The following REDIC1 variants were observed in gnomAD, a reference collection of about 807,000 sequenced individuals.
REDIC1 encodes the protein regulator of DNA class I crossover intermediates 1.
the REDIC1 span, among the ~76,000 whole-genome samples, chr12:39,708,949 G>A: frequency 6.6e-6 from 1 of 151,952 alleles, no homozygotes; most frequent in South Asian, 2.1e-4. Context: ...TGTTAGTTTA[G>A]TATGAAGTAT....
At chr12:39,641,815 G>A in the REDIC1 span, among the ~76,000 whole-genome samples, 1 of 151,614 alleles carries the variant, frequency 6.6e-6, no homozygotes, top group Admixed American at 6.6e-5. Context: ...TATAAAAGCA[G>A]GATAGTGGCA....
the REDIC1 span, among the ~76,000 whole-genome samples, chr12:39,903,454 T>G: frequency 6.6e-6 from 1 of 152,104 alleles, no homozygotes; most frequent in Non-Finnish European, 1.5e-5. Flanking sequence ...GGCCCCCCAG[T>G]ATCTCTTTAC....
the REDIC1 span, chr12:39,872,066 C>T: frequency 1.1e-6 from 1 of 914,040 alleles, no homozygotes; most frequent in Non-Finnish European, 1.5e-6. Flanking sequence ...ATAAGGAGAA[C>T]TACAGTAATA....
chr12:39,638,199 C>T, the REDIC1 span, among the ~76,000 whole-genome samples: 2 of 152,012 alleles, frequency 1.3e-5, no homozygotes, highest in African/African-American at 2.4e-5. Flanking sequence ...TTTTGGTGTT[C>T]TTGCCTTGTA....
chr12:39,895,487 CTCAA>C, the REDIC1 span, among the ~76,000 whole-genome samples: 1 of 25,326 alleles, frequency 3.9e-5, no homozygotes. Flanking sequence ...GAGACTCTGT[CTCAA>C]AAAAAAAAAA....
chr12:39,854,340 C>T, the REDIC1 span, among the ~76,000 whole-genome samples: 2 of 152,002 alleles, frequency 1.3e-5, no homozygotes, highest in African/African-American at 4.8e-5. Flanking sequence ...ATTGTAAGAG[C>T]TTAGTTAACA....
chr12:39,747,746 A>G, the REDIC1 span, among the ~76,000 whole-genome samples: 2 of 152,256 alleles, frequency 1.3e-5, no homozygotes, highest in South Asian at 2.1e-4. Context: ...AAACTCTACA[A>G]GCCAGAAGAG....
the REDIC1 span, among the ~76,000 whole-genome samples, chr12:39,888,992 G>A: frequency 4.6e-5 from 7 of 151,664 alleles, no homozygotes; most frequent in Admixed American, 4.6e-4. Flanking sequence ...ATACAAGTCG[G>A]GATTCAATAA....
At chr12:39,660,703 A>C in the REDIC1 span, among the ~76,000 whole-genome samples, 2 of 152,084 alleles carry the variant, frequency 1.3e-5, no homozygotes, top group Non-Finnish European at 2.9e-5. Flanking sequence ...TGTACAACAC[A>C]TTTTTGTTAA....
the REDIC1 span, among the ~76,000 whole-genome samples, chr12:39,717,079 T>A: frequency 1.3e-5 from 2 of 151,312 alleles, no homozygotes; most frequent in Non-Finnish European, 2.9e-5. Context: ...TATTGCCATT[T>A]ACAAAACACC....
the REDIC1 span, among the ~76,000 whole-genome samples, chr12:39,797,730 A>G: frequency 1.6e-4 from 2 of 12,466 alleles, no homozygotes; most frequent in Non-Finnish European, 5.0e-4. Context: ...TATGGTAAAC[A>G]CACACACACA....
the REDIC1 span, among the ~76,000 whole-genome samples, chr12:39,638,958 T>C: frequency 6.6e-6 from 1 of 152,048 alleles, no homozygotes; most frequent in East Asian, 1.9e-4. Flanking sequence ...TTTGATTTCT[T>C]AATTTTACTG....
At chr12:39,642,487 A>T in the REDIC1 span, among the ~76,000 whole-genome samples, 1 of 151,542 alleles carries the variant, frequency 6.6e-6, no homozygotes, top group Non-Finnish European at 1.5e-5. Flanking sequence ...AGGATTTGAT[A>T]CCATCCCCAA....
At chr12:39,858,763 C>T in the REDIC1 span, among the ~76,000 whole-genome samples, 1 of 152,066 alleles carries the variant, frequency 6.6e-6, no homozygotes, top group African/African-American at 2.4e-5. Context: ...CCTGCCACCA[C>T]ACTTGGCTAA....
the REDIC1 span, among the ~76,000 whole-genome samples, chr12:39,775,593 A>C: frequency 6.6e-6 from 1 of 152,212 alleles, no homozygotes; most frequent in African/African-American, 2.4e-5. Context: ...TTCCATTATC[A>C]CATCCAAAGC....
the REDIC1 span, among the ~76,000 whole-genome samples, chr12:39,710,875 G>GT: frequency 1.2e-3 from 185 of 148,236 alleles, no homozygotes; most frequent in South Asian, 4.3e-3. Flanking sequence ...CTCAATAAGT[G>GT]TTTTTTTTTC....
chr12:39,749,067 A>T, the REDIC1 span, among the ~76,000 whole-genome samples: 2 of 152,186 alleles, frequency 1.3e-5, no homozygotes, highest in African/African-American at 2.4e-5. Context: ...AATAACTAAG[A>T]TCAGAGAAGA....
chr12:39,846,212 T>A, the REDIC1 span, among the ~76,000 whole-genome samples: 1 of 152,148 alleles, frequency 6.6e-6, no homozygotes, highest in East Asian at 1.9e-4. Context: ...GTGAATACTT[T>A]AAAGTATATC....
chr12:39,859,301 G>A, the REDIC1 span, among the ~76,000 whole-genome samples: 4 of 44,978 alleles, frequency 8.9e-5, no homozygotes, highest in Non-Finnish European at 1.4e-4. Flanking sequence ...AAAAGAAAAA[G>A]AAAGAAAGCT....
Sources: gnomAD v4.1 joint callset for allele counts (sites outside exome capture counted in the v4.1 genomes callset) on GRCh38, gnomAD v4.1.1 for gene constraint, MANE v1.5 for transcripts, NCBI Gene and HGNC (gene_info 2026-07-23, HGNC 2026-07-21) for gene names.